ITGAL: variants seen among roughly 807,000 people sequenced by gnomAD.
The protein encoded by ITGAL is integrin subunit alpha L.
Under a neutral mutation model 138.4 loss-of-function variants are expected in ITGAL, and 68 were observed. The ratio of observed to expected loss-of-function variants is 0.49; its 90% CI spans 0.40 to 0.60. The LOEUF is 0.60. Among genes scored for constraint, ITGAL ranks in the 20% least tolerant of loss-of-function variants. ITGAL has a pLI of 0.00. For missense variants in ITGAL, 1,256 were observed against 1,478.6 expected (o/e 0.85, Z 2.47); for synonymous variants, 561 against 584.3 (o/e 0.96, Z 0.57).
intron 2 of ITGAL, among the ~76,000 whole-genome samples, chr16:30,475,002 G>A (rs2050449923): frequency 6.6e-6 from 1 of 151,888 alleles, no homozygotes. Context: ...GGGATTACAG[G>A]CATGCACCAC....
At chr16:30,488,840 G>A in intron 9 of ITGAL, 2 of 499,070 alleles carry the variant, frequency 4.0e-6, no homozygotes, top group Non-Finnish European at 3.7e-6. Flanking sequence ...TTGCGCCACT[G>A]CACTCCAACC....
At position 30,513,782 on chromosome 16, in the gene ITGAL, C is replaced by T. The variant is rs777348784; in HGVS notation, c.2798C>T (p.Ser933Phe). The change falls in exon 25 of 31, where the codon TCC (serine) becomes TTC (phenylalanine). Residue 933 changes from serine (S) to phenylalanine (F), a missense_variant. This residue lies in a region of ITGAL where 867 missense variants were observed against 972.5 expected (regional missense o/e 0.89). Transcript: ENST00000356798. ...TTCTCTCTCCGCAGCCAAGAAGACTCCACACTCTATGTCAGTTTCACCCCC... is the reference window on the plus strand; with the variant it reads ...TTCTCTCTCCGCAGCCAAGAAGACTTCACACTCTATGTCAGTTTCACCCCC... ...INILIQDQED[S>F]TLYVSFTPKG... 1.2e-6 allele frequency: 2 copies of T among 1,613,696 alleles called. No individual in the cohort carries two copies. Among genetic ancestry groups the T allele is most frequent in the South Asian group, 1.1e-5 (1 of 91,076 alleles).
chr16:30,507,939 C>T (rs372677870), intron 21 of ITGAL, among the ~76,000 whole-genome samples: 12 of 151,754 alleles, frequency 7.9e-5, no homozygotes, highest in East Asian at 5.8e-4. Context: ...GACGGGGTCT[C>T]GCTCTGTCAC....
intron 7 of ITGAL, among the ~76,000 whole-genome samples, chr16:30,481,948 A>G (rs1276868176): frequency 6.6e-5 from 10 of 151,984 alleles, no homozygotes. Flanking sequence ...CTGTAGTGCA[A>G]TGGCATGATC....
At chr16:30,507,027 G>C (rs1315654430) in intron 21 of ITGAL, among the ~76,000 whole-genome samples, 171 bp downstream of exon 21, 1 of 152,178 alleles carries the variant, frequency 6.6e-6, no homozygotes. Flanking sequence ...CGAGGTACCA[G>C]GTTTACCCTC....
chr16:30,476,046 C>T (rs182358880), intron 4 of ITGAL, among the ~76,000 whole-genome samples: 2 of 152,094 alleles, frequency 1.3e-5, no homozygotes, highest in East Asian at 1.9e-4. Context: ...GTCAGGAGAT[C>T]GAGACCATCC....
intron 25 of ITGAL, among the ~76,000 whole-genome samples, chr16:30,514,179 C>T (rs1050667226): frequency 2.0e-5 from 3 of 152,146 alleles, no homozygotes; most frequent in Non-Finnish European, 2.9e-5. Flanking sequence ...GGTGCAATCT[C>T]GGCTCACTGC....
In ITGAL at chr16:30,518,724, C is replaced by G. The variant is rs1341311019; in HGVS notation, c.3228+5C>G. ...AGCAACGCCTCCCTGGCCCAGGTAT[C>G]TCCACCTCCTTGGAAGCCCCAGGAA... On this transcript the variant is annotated splice_donor_5th_base_variant and intron_variant, in intron 29 of 30. Transcript: ENST00000356798. 1.2e-6 allele frequency: 2 copies of G among 1,604,048 alleles called. No homozygotes were observed. The highest frequency in any genetic ancestry group is 1.7e-6 in the Non-Finnish European group (2 of 1,171,028).
At chr16:30,491,560 G>A (rs545380040) in intron 11 of ITGAL, among the ~76,000 whole-genome samples, 17 of 152,132 alleles carry the variant, frequency 1.1e-4, no homozygotes, top group Non-Finnish European at 1.9e-4. Flanking sequence ...GCTATCACTA[G>A]TGTAGCACTA....
chr16:30,504,121 G>A, intron 17 of ITGAL, 54 bp from the exon 18 acceptor site: 1 of 1,328,910 alleles, frequency 7.5e-7, no homozygotes, highest in Non-Finnish European at 1.1e-6. Flanking sequence ...CATCTAATCG[G>A]AAGTGCGGTA....
At chr16:30,475,641 A>G in intron 4 of ITGAL, 61 bp downstream of exon 4, 1 of 1,288,198 alleles carries the variant, frequency 7.8e-7, no homozygotes, top group Non-Finnish European at 1.1e-6. Context: ...GTAATGAGAG[A>G]AGAAAAGAAG....
intron 26 of ITGAL, 58 bp downstream of exon 26, chr16:30,517,144 T>C (rs1038921540): frequency 1.7e-6 from 2 of 1,173,118 alleles, no homozygotes; most frequent in African/African-American, 3.1e-5. Flanking sequence ...GGTGAGTGCA[T>C]TTGAGGGTAC....
rs1014338704 is a variant in ITGAL, at chr16:30,483,731, G to A, written c.723-96G>A. 3.1e-5 allele frequency: 42 copies of A among 1,369,308 alleles called. 1 individual carries two copies. The highest frequency in any genetic ancestry group is 8.8e-5 in the Admixed American group (4 of 45,674). The allele number at this position is 1,369,308 out of a possible 1,614,324, so 84.8% of individuals were successfully genotyped here. On this transcript the variant is annotated intron_variant, in intron 7 of 30. Transcript: ENST00000356798. ...TGGGAGATCCAGGAAGGGCTTTTGC[G>A]TAACCAGCATGGAGGTGACTTGATG...
chr16:30,520,161 G>C (rs1263404578), intron 30 of ITGAL, among the ~76,000 whole-genome samples, 194 bp downstream of exon 30: 2 of 152,212 alleles, frequency 1.3e-5, no homozygotes. Flanking sequence ...AGGGCCAGGT[G>C]CAGTGGCTCA....
intron 15 of ITGAL, among the ~76,000 whole-genome samples, chr16:30,497,001 T>G (rs2050810144): frequency 6.6e-6 from 1 of 152,084 alleles, no homozygotes; most frequent in Admixed American, 6.6e-5. Context: ...GGCTCACACC[T>G]GTAATCCCAG....
chr16:30,474,094 C>T (rs1311564637), intron 1 of ITGAL, 102 bp from the exon 2 acceptor site: 1 of 836,416 alleles, frequency 1.2e-6, no homozygotes, highest in Non-Finnish European at 2.0e-6. Flanking sequence ...GTGCGGGTGG[C>T]CTGGGGAGCG....
intron 17 of ITGAL, among the ~76,000 whole-genome samples, chr16:30,503,543 A>G (rs1017263387): frequency 2.1e-5 from 3 of 139,636 alleles, no homozygotes; most frequent in East Asian, 2.5e-4. Flanking sequence ...GGAAGGAAGG[A>G]AGGGAGGGAG....
chr16:30,519,764 C>T (rs887782373), intron 29 of ITGAL, 93 bp from the exon 30 acceptor site: 13 of 815,018 alleles, frequency 1.6e-5, no homozygotes, highest in East Asian at 2.4e-5. Flanking sequence ...TGATGCAGTC[C>T]GGATAGGAGG....
chr16:30,486,221 C>T (rs1164404051), intron 9 of ITGAL, among the ~76,000 whole-genome samples: 1 of 152,154 alleles, frequency 6.6e-6, no homozygotes, highest in Non-Finnish European at 1.5e-5. Flanking sequence ...AAGCAATGGG[C>T]TGAGCGTGGT....
Sources: allele counts gnomAD v4.1 joint callset (sites outside exome capture counted in the v4.1 genomes callset), GRCh38; gene constraint gnomAD v4.1.1; regional missense constraint gnomAD v4.1.1; transcripts MANE v1.5; gene names NCBI Gene and HGNC (gene_info 2026-07-23, HGNC 2026-07-21).